Variants in KATNIP observed in about 807,000 individuals in gnomAD.
KATNIP encodes the protein katanin interacting protein.
KATNIP carries 126 observed loss-of-function variants against 174.0 expected under a neutral mutation model. The observed-to-expected ratio is 0.72, with a 90% CI of 0.63 to 0.84. The LOEUF (loss-of-function observed/expected upper bound fraction) is 0.84, where lower values mean the gene tolerates loss of function less well. Among genes scored for constraint, KATNIP ranks in the 40% least tolerant of loss-of-function variants. The pLI is 0.00. For missense variants in KATNIP, 1,958 were observed against 2,109.7 expected (o/e 0.93, Z 1.41); for synonymous variants, 810 against 835.7 (o/e 0.97, Z 0.53).
chr16:27,619,869 A>G (rs1049851504), intron 3 of KATNIP, among the ~76,000 whole-genome samples: 2 of 152,144 alleles, frequency 1.3e-5, no homozygotes, highest in Non-Finnish European at 2.9e-5. Context: ...ACCTCAAACT[A>G]GAATGGCGAA....
chr16:27,712,367 C>T (rs1310163477), intron 13 of KATNIP, among the ~76,000 whole-genome samples: 2 of 152,116 alleles, frequency 1.3e-5, no homozygotes, highest in Admixed American at 1.3e-4. Flanking sequence ...TCTAATTGCA[C>T]CAGCGTGTGG....
chr16:27,714,907 T>C (rs2079857036), intron 13 of KATNIP, among the ~76,000 whole-genome samples: 1 of 152,206 alleles, frequency 6.6e-6, no homozygotes, highest in Non-Finnish European at 1.5e-5. Flanking sequence ...GCAAAATCAC[T>C]ATCAGAATCT....
chr16:27,703,813 C>T (rs1054015169), intron 11 of KATNIP, 83 bp from the exon 12 acceptor site: 51 of 1,028,384 alleles, frequency 5.0e-5, no homozygotes, highest in South Asian at 3.8e-4. Flanking sequence ...TTCCTATCCC[C>T]GAGTGCAGCA....
At chr16:27,734,723 G>A (rs919641491) in intron 14 of KATNIP, among the ~76,000 whole-genome samples, 34 of 152,090 alleles carry the variant, frequency 2.2e-4, no homozygotes, top group Admixed American at 1.0e-3. Context: ...TTAAAAAAGG[G>A]TAGGGGCTCA....
Position 27,776,899 on chromosome 16 carries a change from C to T in KATNIP, c.4450-29C>T. ...CAAGCGCCTCTGTTTCCAAACATGCCTGTTTTAATTAGTGCCGCTCTCTGA... is the reference window on the plus strand; with the variant it reads ...CAAGCGCCTCTGTTTCCAAACATGCTTGTTTTAATTAGTGCCGCTCTCTGA... On this transcript the variant is annotated intron_variant, in intron 24 of 27. Transcript: ENST00000261588. This position sits in a 1 kb window ranked among gnomAD's most constrained non-coding sequence, Gnocchi z 4.7. 6.6e-7 allele frequency: 1 copy of T among 1,506,104 alleles called. No individual in the cohort carries two copies. The highest frequency in any genetic ancestry group is 9.2e-7 in the Non-Finnish European group (1 of 1,082,188). The allele number at this position is 1,506,104 out of a possible 1,614,324, so 93.3% of individuals were successfully genotyped here.
At chr16:27,645,166 T>C (rs2076921330) in intron 5 of KATNIP, among the ~76,000 whole-genome samples, 1 of 152,192 alleles carries the variant, frequency 6.6e-6, no homozygotes, top group Admixed American at 6.5e-5. Context: ...GAATGAAACA[T>C]ACACCTGAGA....
intron 14 of KATNIP, chr16:27,727,198 GTTTGT>G: frequency 4.6e-6 from 1 of 217,962 alleles, no homozygotes; most frequent in East Asian, 1.5e-4. Context: ...TTGTTTGTTT[GTTTGT>G]TTTTCTAGAC....
chr16:27,604,654 A>G (rs1242700975), intron 2 of KATNIP, among the ~76,000 whole-genome samples: 1 of 152,182 alleles, frequency 6.6e-6, no homozygotes, highest in Non-Finnish European at 1.5e-5. Context: ...CAGCCAGAGG[A>G]AGTGTTCAGC....
chr16:27,668,453 C>T (rs765130279), intron 6 of KATNIP, among the ~76,000 whole-genome samples: 2 of 152,218 alleles, frequency 1.3e-5, no homozygotes, highest in Non-Finnish European at 2.9e-5. Context: ...TAAGAGGTGA[C>T]TTGCTCCTCA....
intron 13 of KATNIP, 104 bp downstream of exon 13, chr16:27,709,024 A>T: frequency 1.1e-6 from 1 of 932,486 alleles, no homozygotes; most frequent in East Asian, 2.5e-5. Flanking sequence ...GGAGGGGAAG[A>T]ACAACAAAAT....
chr16:27,567,514 CTGTT>C lies in KATNIP; in HGVS notation c.8-6379_8-6376del, dbSNP rs1157531961. ...GGTAGCACACCCTTGTGTTTTTTTT[CTGTT>C]TGTTTGTGTTTTTGTTGTTGTTTGA... On this transcript the variant is annotated intron_variant, in intron 1 of 27. Coordinates refer to ENST00000261588, the MANE Select transcript of KATNIP (RefSeq NM_015202.5). 4.6e-5 allele frequency among the ~76,000 whole-genome samples: 7 copies of C among 151,312 alleles called. No homozygotes were observed. In the East Asian group the frequency reaches 1.4e-3, roughly 30 times the overall value.
rs939110778 is a variant in KATNIP at position 27,631,011 on chromosome 16, T to C, written c.311-54T>C. 9.2e-6 allele frequency: 13 copies of C among 1,411,672 alleles called. No homozygotes were observed. In the African/African-American group the frequency reaches 1.8e-4, roughly 20 times the overall value. 87.4% of individuals were successfully genotyped at this position (1,411,672 alleles called of 1,614,324 possible). ...CATGAGTTACAAACCAACCCAGTAC[T>C]GTGAGCTTGTCATCAGTGCCTCACC... On this transcript the variant is annotated intron_variant, in intron 4 of 27. Transcript: ENST00000261588.
At chr16:27,563,574 G>A (rs1324753357) in intron 1 of KATNIP, among the ~76,000 whole-genome samples, 1 of 152,018 alleles carries the variant, frequency 6.6e-6, no homozygotes, top group Non-Finnish European at 1.5e-5. Flanking sequence ...GGGAGGAGAG[G>A]TCCAAAATAT....
intron 2 of KATNIP, among the ~76,000 whole-genome samples, chr16:27,583,498 A>T (rs1256177065): frequency 6.6e-6 from 1 of 152,114 alleles, no homozygotes; most frequent in Non-Finnish European, 1.5e-5. Context: ...GGATAAAAAC[A>T]CCCCATGAAA....
intron 2 of KATNIP, among the ~76,000 whole-genome samples, chr16:27,590,930 G>T (rs148579665): frequency 7.3e-4 from 111 of 152,270 alleles, no homozygotes; most frequent in African/African-American, 2.6e-3. Flanking sequence ...AAAGTGCTGG[G>T]AAATAAGCAT....
chr16:27,768,123 G>C (rs759383057), intron 20 of KATNIP, among the ~76,000 whole-genome samples: 1 of 152,166 alleles, frequency 6.6e-6, no homozygotes, highest in Non-Finnish European at 1.5e-5. Flanking sequence ...CCTGAGATGG[G>C]AGACCCCCAC....
intron 15 of KATNIP, among the ~76,000 whole-genome samples, chr16:27,748,148 G>T (rs546805272): frequency 2.0e-5 from 3 of 152,206 alleles, no homozygotes; most frequent in African/African-American, 7.2e-5. Context: ...GCACGCCGTG[G>T]CTCTCATGTT....
chr16:27,712,174 A>G (rs572398291), intron 13 of KATNIP, among the ~76,000 whole-genome samples: 68 of 152,118 alleles, frequency 4.5e-4, no homozygotes, highest in African/African-American at 1.6e-3. Flanking sequence ...GTTTTGGTGG[A>G]TTTGAGGTTT....
rs546675860 is a variant in KATNIP, at chr16:27,706,279, T to C, written c.1389+2281T>C. Among the ~76,000 whole-genome samples the C allele has an allele frequency of 3.9e-5, 6 of 152,280 alleles. No individual in the cohort carries two copies. The East Asian group carries it at 1.2e-3, about 29-fold the overall frequency. ...CAGGAGAGAAGCCTGTTTCTCCCCA[T>C]GTAAATCTGTGACTGGTGTGCTTGC... On this transcript the variant is annotated intron_variant, in intron 12 of 27. Transcript: ENST00000261588.
Sources: allele counts gnomAD v4.1 joint callset (sites outside exome capture counted in the v4.1 genomes callset), GRCh38; gene constraint gnomAD v4.1.1; non-coding constraint Gnocchi (gnomAD v3.1); transcripts MANE v1.5; gene names NCBI Gene and HGNC (gene_info 2026-07-23, HGNC 2026-07-21).